Variants in ZFP91 observed in about 807,000 individuals in gnomAD.
The protein encoded by ZFP91 is E3 ubiquitin-protein ligase ZFP91.
A neutral mutation model predicts 63.5 loss-of-function variants in ZFP91; 7 were observed. That is an observed-to-expected ratio of 0.11 (90% CI 0.06 to 0.21). ZFP91 has a LOEUF of 0.21. Among genes scored for constraint, ZFP91 ranks in the 10% least tolerant of loss-of-function variants. ZFP91 has a pLI of 1.00. For missense variants in ZFP91, 628 were observed against 736.6 expected, an observed-to-expected ratio of 0.85 and a Z score of 1.71; for synonymous variants, 330 against 272.1, an observed-to-expected ratio of 1.21 and a Z score of -2.10.
rs2134430150 is a variant in ZFP91 at position 58,619,666 on chromosome 11, T to G, written c.*1960T>G. 6.5e-6 allele frequency: 1 copy of G among 152,716 alleles called. No homozygotes were observed. The highest frequency in any genetic ancestry group is 2.1e-4 in the South Asian group (1 of 4,826). The allele number at this position is 152,716 out of a possible 1,614,324, so 9.5% of individuals were successfully genotyped here. On this transcript the variant is annotated 3_prime_UTR_variant, in exon 11 of 11. Transcript: ENST00000316059. ...AGTGAGACACCTACAATCACCAGTC[T>G]CAAATGCGCTATTGTTTCTTTTCAG...
At position 58,579,224 on chromosome 11, in the gene ZFP91, GGCCGCC is replaced by G; in HGVS notation, c.-54_-49del. 7.5e-7 allele frequency: 1 copy of G among 1,339,984 alleles called. No individual in the cohort carries two copies. Among genetic ancestry groups the G allele is most frequent in the Non-Finnish European group, 9.6e-7 (1 of 1,045,222 alleles). The allele number at this position is 1,339,984 out of a possible 1,614,324, so 83.0% of individuals were successfully genotyped here. A position where few individuals can be genotyped will look rare whatever the true frequency, so the allele number is the denominator to read the frequency against. ...GAGGGGGCGGGGGGAGCAGCGCCGA[GGCCGCC>G]GCCTCCGCCTCCGCCGCCTAGGACT... On this transcript the variant is annotated 5_prime_UTR_variant, in exon 1 of 11. Coordinates refer to ENST00000316059, the MANE Select transcript of ZFP91 (RefSeq NM_053023.5).
intron 10 of ZFP91, 94 bp downstream of exon 10, chr11:58,616,909 G>A: frequency 8.4e-6 from 10 of 1,185,620 alleles, no homozygotes; most frequent in East Asian, 2.5e-5. Context: ...TGCCACTGCT[G>A]TTTACTTTCA....
chr11:58,617,179 T>G lies in ZFP91; in HGVS notation c.1203-17T>G. 1 of 1,549,914 alleles carries G rather than the reference T, an allele frequency of 6.5e-7. No homozygotes were observed. Among genetic ancestry groups the G allele is most frequent in the Non-Finnish European group, 8.7e-7 (1 of 1,152,450 alleles). ...TTTCTCTGTTGGATCAGCCATTTCC[T>G]TTTCTCCTCTCCTTAGATGTGAGAT... On this transcript the variant is annotated splice_polypyrimidine_tract_variant and intron_variant, in intron 10 of 10. Transcript: ENST00000316059. The surrounding 1 kb of genome is among the most constrained non-coding windows in gnomAD (Gnocchi z 4.2).
chr11:58,579,546 C>T lies in ZFP91; in HGVS notation c.265C>T (p.Pro89Ser), dbSNP rs780310827. The change falls in exon 1 of 11, where the codon CCC (proline) becomes TCC (serine). Residue 89 changes from proline (P) to serine (S), a missense_variant. Transcript: ENST00000316059. ...GAGGAGCAGCCCCAGCGCCAGGCCT[C>T]CCGACGTCCCCGGGCAGCAGCCCCA... The part of the protein sequence containing the change: ...RRRSSPSARP[P>S]DVPGQQPQAA... 1.1e-5 allele frequency: 18 copies of T among 1,582,354 alleles called. No homozygotes were observed. In the East Asian group the frequency reaches 4.0e-4, roughly 35 times the overall value.
rs775364498 is a variant in ZFP91 at position 58,579,397 on chromosome 11, C to A, written c.116C>A (p.Ala39Glu). 2 of 1,470,476 alleles carry A rather than the reference C, an allele frequency of 1.4e-6. No individual in the cohort carries two copies. Among genetic ancestry groups the A allele is most frequent in the African/African-American group, 1.5e-5 (1 of 67,008 alleles). 91.1% of individuals were successfully genotyped at this position (1,470,476 alleles called of 1,614,324 possible). The change falls in exon 1 of 11, where the codon GCG becomes GAG. Residue 39 changes from alanine to glutamate, a missense_variant. Physicochemically the swap from Ala to Glu is moderately radical, Grantham distance 107. This residue lies in a region of ZFP91 where 437 missense variants were observed against 380.3 expected (regional missense o/e 1.15). Coordinates refer to ENST00000316059, the MANE Select transcript of ZFP91 (RefSeq NM_053023.5). ...CAACGGCCCCCTGAGGCGGTCGCGG[C>A]GGCGCCTGCAGGGACCACTAGCAGC... ...PQQRPPEAVA[A>E]APAGTTSSRV...
At chr11:58,581,779 C>T (rs976857812) in intron 1 of ZFP91, among the ~76,000 whole-genome samples, 2 of 152,184 alleles carry the variant, frequency 1.3e-5, no homozygotes, top group South Asian at 2.1e-4. Flanking sequence ...CGCTTTAATT[C>T]CATATAACTG....
At chr11:58,602,493 G>A (rs1040775980) in intron 2 of ZFP91, among the ~76,000 whole-genome samples, 7 of 151,974 alleles carry the variant, frequency 4.6e-5, no homozygotes, top group African/African-American at 1.7e-4. Flanking sequence ...CTATGTATAG[G>A]TTTATATTTA....
At chr11:58,598,572 C>G (rs1590619882) in intron 2 of ZFP91, among the ~76,000 whole-genome samples, 1 of 151,978 alleles carries the variant, frequency 6.6e-6, no homozygotes, top group Non-Finnish European at 1.5e-5. Flanking sequence ...ATTTATGTAT[C>G]AAGGAACCTC....
rs1855843503 is a variant in ZFP91, at chr11:58,621,088, G to C, written c.*3382G>C. 6.6e-6 allele frequency: 1 copy of C among 152,644 alleles called. No individual in the cohort carries two copies. The highest frequency in any genetic ancestry group is 1.5e-5 in the Non-Finnish European group (1 of 68,034). 9.5% of individuals were successfully genotyped at this position (152,644 alleles called of 1,614,324 possible). On this transcript the variant is annotated 3_prime_UTR_variant, in exon 11 of 11. Transcript: ENST00000316059. ...GTACTGAGTTACAGTTATCCTAGGG[G>C]TGAAACATGTGATGCTGCTAAGCAA...
intron 2 of ZFP91, among the ~76,000 whole-genome samples, chr11:58,600,596 C>T (rs1273367019): frequency 6.6e-6 from 1 of 152,050 alleles, no homozygotes; most frequent in African/African-American, 2.4e-5. Context: ...GGTCTTTTCA[C>T]CTGCAAATAG....
At chr11:58,600,769 G>A (rs779432073) in intron 2 of ZFP91, among the ~76,000 whole-genome samples, 2 of 152,090 alleles carry the variant, frequency 1.3e-5, no homozygotes, top group Admixed American at 6.6e-5. Flanking sequence ...TTACCACTGC[G>A]TATGATGTGA....
intron 8 of ZFP91, among the ~76,000 whole-genome samples, chr11:58,613,408 A>G (rs1045821475): frequency 6.6e-6 from 1 of 152,154 alleles, no homozygotes; most frequent in Non-Finnish European, 1.5e-5. Flanking sequence ...CCGCCTTCCA[A>G]CACTATCACA....
chr11:58,606,439 C>T (rs1855571606), intron 2 of ZFP91, among the ~76,000 whole-genome samples: 3 of 152,046 alleles, frequency 2.0e-5, no homozygotes, highest in African/African-American at 7.2e-5. Context: ...CTTCTGATTT[C>T]CTTTAGTACT....
At position 58,611,636 on chromosome 11, in the gene ZFP91, A is replaced by G. The variant is rs1855664650; in HGVS notation, c.755A>G (p.Lys252Arg). Residue 252 changes from lysine (K) to arginine (R), a missense_variant, in exon 6 of 11, where the codon AAG becomes AGG. Around this residue, in one of 3 missense-constraint regions of ZFP91, gnomAD observed 437 missense variants for 380.3 expected, o/e 1.15. Transcript: ENST00000316059. Reference protein sequence around the residue: ...ETPKPRRKSGKVKEEKEKKEI... With the variant: ...ETPKPRRKSGRVKEEKEKKEI... ...CCAAAGCCACGGAGAAAATCAGGGA[A>G]GGTAAAAGAAGAGAAGGAGAAGAAG... is the stretch of plus-strand genomic sequence containing the variant. 1.2e-6 allele frequency: 2 copies of G among 1,612,940 alleles called. No individual in the cohort carries two copies. The highest frequency in any genetic ancestry group is 1.7e-6 in the Non-Finnish European group (2 of 1,179,256).
intron 1 of ZFP91, 102 bp from the exon 2 acceptor site, chr11:58,584,754 G>C: frequency 3.8e-6 from 4 of 1,066,498 alleles, no homozygotes. Flanking sequence ...CACTAGTCTA[G>C]ATGCTTTCTT....
chr11:58,608,117 A>G (rs1264380098), intron 2 of ZFP91, among the ~76,000 whole-genome samples: 1 of 151,804 alleles, frequency 6.6e-6, no homozygotes, highest in Non-Finnish European at 1.5e-5. Flanking sequence ...AATGTGTAGC[A>G]CTGTTTTTAA....
At chr11:58,592,999 C>G (rs1267371495) in intron 2 of ZFP91, among the ~76,000 whole-genome samples, 1 of 152,042 alleles carries the variant, frequency 6.6e-6, no homozygotes, top group East Asian at 1.9e-4. Flanking sequence ...ACAACCAGGT[C>G]TCACATGAAG....
intron 3 of ZFP91, 37 bp downstream of exon 3, chr11:58,610,076 G>C (rs747416721): frequency 1.2e-6 from 2 of 1,601,662 alleles, no homozygotes; most frequent in Non-Finnish European, 1.7e-6. Context: ...TTACTAACTA[G>C]TTGCTGTTAC....
chr11:58,598,014 C>T (rs1855430670), intron 2 of ZFP91, among the ~76,000 whole-genome samples: 1 of 152,106 alleles, frequency 6.6e-6, no homozygotes, highest in Admixed American at 6.6e-5. Flanking sequence ...ACAGTAAATT[C>T]ACTCAGGTGG....
Sources: allele counts gnomAD v4.1 joint callset (sites outside exome capture counted in the v4.1 genomes callset), GRCh38; gene constraint gnomAD v4.1.1; regional missense constraint gnomAD v4.1.1; non-coding constraint Gnocchi (gnomAD v3.1); transcripts MANE v1.5; gene names NCBI Gene and HGNC (gene_info 2026-07-23, HGNC 2026-07-21).